Variants in ELAPOR2 observed in about 807,000 individuals in gnomAD.
ELAPOR2 encodes endosome/lysosome-associated apoptosis and autophagy regulator family member 2.
ELAPOR2 carries 89 observed loss-of-function variants against 120.7 expected under a neutral mutation model. The ratio of observed to expected loss-of-function variants is 0.74; its 90% confidence interval spans 0.62 to 0.88. ELAPOR2 has a LOEUF of 0.88. Among genes scored for constraint, ELAPOR2 ranks in the 40% least tolerant of loss-of-function variants. The pLI, the probability that ELAPOR2 is intolerant of heterozygous loss-of-function variation, is 0.00. For missense variants in ELAPOR2, 1,134 were observed against 1,251.6 expected, an observed-to-expected ratio of 0.91 and a Z score of 1.42; for synonymous variants, 444 against 444.9, an observed-to-expected ratio of 1.00 and a Z score of 0.03.
chr7:86,911,453 G>A (rs571464890), intron 15 of ELAPOR2, among the ~76,000 whole-genome samples: 1 of 152,188 alleles, frequency 6.6e-6, no homozygotes, highest in South Asian at 2.1e-4. Flanking sequence ...GCCTTATCCT[G>A]TTCCTACTCT....
intron 21 of ELAPOR2, among the ~76,000 whole-genome samples, chr7:86,881,390 C>G (rs1261212323): frequency 6.7e-6 from 1 of 148,732 alleles, no homozygotes; most frequent in Non-Finnish European, 1.5e-5. Flanking sequence ...GAGTTTCGCT[C>G]TTGTTGCCCA....
intron 1 of ELAPOR2, among the ~76,000 whole-genome samples, chr7:86,973,686 G>A (rs1792179832): frequency 6.6e-6 from 1 of 152,154 alleles, no homozygotes; most frequent in Admixed American, 6.5e-5. Context: ...CAAAGGACCT[G>A]GAAGCAATCT....
chr7:86,991,508 T>G (rs1463111883), intron 1 of ELAPOR2, among the ~76,000 whole-genome samples: 3 of 152,152 alleles, frequency 2.0e-5, no homozygotes. Context: ...TTTACAGTCT[T>G]CTACTTTCAA....
At chr7:86,907,872 A>G in intron 17 of ELAPOR2, 101 bp from the exon 18 acceptor site, 1 of 563,866 alleles carries the variant, frequency 1.8e-6, no homozygotes, top group South Asian at 3.8e-5. Flanking sequence ...AACAAATGAA[A>G]AAGAAAAATG....
chr7:86,985,054 C>T (rs1169578838), intron 1 of ELAPOR2, among the ~76,000 whole-genome samples: 2 of 152,034 alleles, frequency 1.3e-5, no homozygotes, highest in Non-Finnish European at 1.5e-5. Context: ...ATATTATAAA[C>T]ACCTGTACAC....
At chr7:86,911,602 T>G in intron 15 of ELAPOR2, 1 of 455,308 alleles carries the variant, frequency 2.2e-6, no homozygotes, top group Non-Finnish European at 4.4e-6. Flanking sequence ...TAAAATCCCA[T>G]TTGTATGATT....
At chr7:87,019,336 T>C (rs1793969241) in intron 1 of ELAPOR2, among the ~76,000 whole-genome samples, 2 of 152,236 alleles carry the variant, frequency 1.3e-5, no homozygotes, top group East Asian at 1.9e-4. Flanking sequence ...TTTAAGTTTT[T>C]GTATTTTTTG....
chr7:87,025,130 CTAAG>C (rs1562973287), intron 1 of ELAPOR2, among the ~76,000 whole-genome samples: 1 of 151,976 alleles, frequency 6.6e-6, no homozygotes, highest in East Asian at 1.9e-4. Context: ...TTGAGGAATA[CTAAG>C]TATTTCATGC....
intron 18 of ELAPOR2, among the ~76,000 whole-genome samples, chr7:86,902,169 GTTGT>G (rs61443089): frequency 2.0e-5 from 3 of 151,636 alleles, no homozygotes; most frequent in African/African-American, 4.8e-5. Flanking sequence ...GTCTTTTTTT[GTTGT>G]TTGTTTGTTT....
chr7:87,019,019 C>CA (rs1313051464), intron 1 of ELAPOR2, among the ~76,000 whole-genome samples: 1 of 151,764 alleles, frequency 6.6e-6, no homozygotes, highest in Non-Finnish European at 1.5e-5. Flanking sequence ...TAGAAAAAAG[C>CA]AAAAAATGAC....
chr7:86,911,919 TC>T, intron 15 of ELAPOR2, 152 bp downstream of exon 15: 1 of 774,106 alleles, frequency 1.3e-6, no homozygotes, highest in Non-Finnish European at 2.1e-6. Flanking sequence ...CTGCCAATAT[TC>T]TAGGCAGCAA....
chr7:87,028,324 C>T (rs1018096728), intron 1 of ELAPOR2, among the ~76,000 whole-genome samples: 1 of 152,092 alleles, frequency 6.6e-6, no homozygotes, highest in African/African-American at 2.4e-5. Context: ...ATTCCTCTCA[C>T]TAGATCTAAC....
chr7:86,978,134 T>C (rs1458621051), intron 1 of ELAPOR2, among the ~76,000 whole-genome samples: 1 of 152,156 alleles, frequency 6.6e-6, no homozygotes, highest in East Asian at 1.9e-4. Flanking sequence ...GCTCTTGTGA[T>C]AGTGAGTGAG....
At chr7:86,926,690 G>T in intron 9 of ELAPOR2, 46 bp downstream of exon 9, 1 of 1,513,338 alleles carries the variant, frequency 6.6e-7, no homozygotes, top group Non-Finnish European at 8.9e-7. Context: ...AGTCCAACAA[G>T]ATCATTTTGC....
intron 1 of ELAPOR2, among the ~76,000 whole-genome samples, chr7:86,976,545 T>C (rs1364152617): frequency 6.6e-6 from 1 of 152,150 alleles, no homozygotes; most frequent in African/African-American, 2.4e-5. Flanking sequence ...CAGATGATCC[T>C]GCCCCTCACC....
At chr7:87,001,776 A>C (rs907567697) in intron 1 of ELAPOR2, among the ~76,000 whole-genome samples, 1 of 152,200 alleles carries the variant, frequency 6.6e-6, no homozygotes, top group Non-Finnish European at 1.5e-5. Context: ...GCAGAGGATC[A>C]TATCAAAAAG....
chr7:87,049,308 G>A (rs1795037968), intron 1 of ELAPOR2, among the ~76,000 whole-genome samples: 2 of 151,494 alleles, frequency 1.3e-5, no homozygotes, highest in African/African-American at 4.9e-5. Flanking sequence ...TTGAGACCGA[G>A]CCTCGCTCTG....
intron 1 of ELAPOR2, among the ~76,000 whole-genome samples, chr7:86,978,849 C>G (rs555287620): frequency 6.6e-6 from 1 of 152,326 alleles, no homozygotes; most frequent in African/African-American, 2.4e-5. Context: ...AGGTCATAAA[C>G]TATACTAGAC....
At chr7:87,017,351 G>A (rs1793903146) in intron 1 of ELAPOR2, among the ~76,000 whole-genome samples, 1 of 152,164 alleles carries the variant, frequency 6.6e-6, no homozygotes, top group Admixed American at 6.5e-5. Flanking sequence ...ATGGGGAACT[G>A]CTGAAATATA....
Sources: allele counts gnomAD v4.1 joint callset (sites outside exome capture counted in the v4.1 genomes callset), GRCh38; gene constraint gnomAD v4.1.1; transcripts MANE v1.5; gene names NCBI Gene and HGNC (gene_info 2026-07-23, HGNC 2026-07-21).